SPOCK1: variants seen among roughly 807,000 people sequenced by gnomAD.
SPOCK1 encodes SPARC (osteonectin), cwcv and kazal like domains proteoglycan 1, also known as testican-1.
SPOCK1 carries 23 observed loss-of-function variants against 55.3 expected under a neutral mutation model. The ratio of observed to expected loss-of-function variants is 0.42; its 90% CI spans 0.30 to 0.59. The LOEUF is 0.59. SPOCK1 is among the 20% of genes least tolerant of loss of function. The probability of loss-of-function intolerance (pLI) is 0.22; values close to 1 mark genes in which losing one functional copy is unlikely to be tolerated. For synonymous variants in SPOCK1, 226 were observed against 221.0 expected (o/e 1.02, Z -0.20); for missense variants, 499 against 552.5 (o/e 0.90, Z 0.97).
At chr5:137,257,378 G>T (rs1756657179) in intron 3 of SPOCK1, among the ~76,000 whole-genome samples, 1 of 152,100 alleles carries the variant, frequency 6.6e-6, no homozygotes, top group Non-Finnish European at 1.5e-5. Context: ...GGTCATGAGG[G>T]TGAACCCTCT....
intron 6 of SPOCK1, among the ~76,000 whole-genome samples, chr5:137,054,329 C>T (rs1752263402): frequency 6.6e-6 from 1 of 152,178 alleles, no homozygotes; most frequent in Non-Finnish European, 1.5e-5. Context: ...AATGCATTTT[C>T]TAGTGTATAA....
chr5:137,169,994 A>C (rs1279521365), intron 3 of SPOCK1, among the ~76,000 whole-genome samples: 1 of 152,224 alleles, frequency 6.6e-6, no homozygotes, highest in Non-Finnish European at 1.5e-5. Flanking sequence ...ATACCCATGC[A>C]ACTACAGAAG....
At chr5:137,467,648 C>T (rs937411488) in intron 2 of SPOCK1, among the ~76,000 whole-genome samples, 3 of 152,114 alleles carry the variant, frequency 2.0e-5, no homozygotes, top group Admixed American at 1.3e-4. Flanking sequence ...AGTAAGGCTT[C>T]CCTAAAGAAG....
At chr5:137,169,198 G>A (rs961514142) in intron 3 of SPOCK1, among the ~76,000 whole-genome samples, 8 of 152,012 alleles carry the variant, frequency 5.3e-5, no homozygotes, top group African/African-American at 1.9e-4. Flanking sequence ...GTGTTGTGAG[G>A]GGTTGGGGGG....
At chr5:137,274,829 G>A (rs1351648242) in intron 2 of SPOCK1, among the ~76,000 whole-genome samples, 3 of 152,120 alleles carry the variant, frequency 2.0e-5, no homozygotes, top group Non-Finnish European at 2.9e-5. Context: ...CATATTTTGC[G>A]TAAAGGGCAG....
At chr5:137,358,492 A>C (rs1254714320) in intron 2 of SPOCK1, among the ~76,000 whole-genome samples, 1 of 112,368 alleles carries the variant, frequency 8.9e-6, no homozygotes, top group Non-Finnish European at 1.9e-5. Flanking sequence ...GGATGGAAGG[A>C]GGGAAAGGAG....
At chr5:137,482,573 C>T (rs1332814606) in intron 2 of SPOCK1, among the ~76,000 whole-genome samples, 2 of 152,118 alleles carry the variant, frequency 1.3e-5, no homozygotes, top group African/African-American at 4.8e-5. Flanking sequence ...GTGCCTCAAA[C>T]CGACCAAACG....
intron 5 of SPOCK1, among the ~76,000 whole-genome samples, chr5:137,100,240 C>T (rs1753236676): frequency 6.6e-6 from 1 of 152,140 alleles, no homozygotes; most frequent in African/African-American, 2.4e-5. Flanking sequence ...AAAATGGTTC[C>T]TCCTTTTTTG....
chr5:137,181,978 A>G (rs1027380921), intron 3 of SPOCK1, among the ~76,000 whole-genome samples: 2 of 152,208 alleles, frequency 1.3e-5, no homozygotes, highest in Admixed American at 6.5e-5. Context: ...GGTAGCAAAA[A>G]GGGACATGAA....
At chr5:137,015,564 G>C (rs965992897) in intron 6 of SPOCK1, among the ~76,000 whole-genome samples, 2 of 152,216 alleles carry the variant, frequency 1.3e-5, no homozygotes, top group African/African-American at 4.8e-5. Context: ...ATAGGAGCCT[G>C]AAGGAATCTG....
intron 2 of SPOCK1, among the ~76,000 whole-genome samples, chr5:137,471,026 A>G (rs1753728756): frequency 6.6e-6 from 1 of 152,234 alleles, no homozygotes; most frequent in South Asian, 2.1e-4. Flanking sequence ...AGTTAATTGT[A>G]ATATGAGTTA....
chr5:137,262,524 G>A (rs996110862), intron 3 of SPOCK1, among the ~76,000 whole-genome samples: 3 of 152,222 alleles, frequency 2.0e-5, no homozygotes, highest in African/African-American at 7.2e-5. Flanking sequence ...ATGTCTCTGA[G>A]GACTGATAAC....
At chr5:137,377,783 T>C (rs1751353333) in intron 2 of SPOCK1, among the ~76,000 whole-genome samples, 1 of 152,110 alleles carries the variant, frequency 6.6e-6, no homozygotes, top group South Asian at 2.1e-4. Flanking sequence ...TGACATTCTC[T>C]ACAATGGACA....
At chr5:137,425,837 A>G (rs1212407657) in intron 2 of SPOCK1, among the ~76,000 whole-genome samples, 1 of 152,222 alleles carries the variant, frequency 6.6e-6, no homozygotes, top group Non-Finnish European at 1.5e-5. Flanking sequence ...CCATATTCAC[A>G]AAATTTATTA....
chr5:137,230,729 T>C (rs1357599146), intron 3 of SPOCK1, among the ~76,000 whole-genome samples: 1 of 152,190 alleles, frequency 6.6e-6, no homozygotes, highest in African/African-American at 2.4e-5. Flanking sequence ...TCACATCATA[T>C]CTTTTTATTG....
chr5:137,424,791 G>A (rs948913675), intron 2 of SPOCK1, among the ~76,000 whole-genome samples: 19 of 152,194 alleles, frequency 1.2e-4, no homozygotes, highest in Admixed American at 2.0e-4. Flanking sequence ...TTTATCTACG[G>A]TGACAGAAAG....
At chr5:137,445,611 T>G (rs1174202977) in intron 2 of SPOCK1, among the ~76,000 whole-genome samples, 1 of 152,230 alleles carries the variant, frequency 6.6e-6, no homozygotes, top group Non-Finnish European at 1.5e-5. Flanking sequence ...AATTCAAGGA[T>G]GATTTTTGTC....
intron 2 of SPOCK1, among the ~76,000 whole-genome samples, chr5:137,397,365 T>C (rs1751873606): frequency 1.3e-5 from 2 of 152,342 alleles, no homozygotes; most frequent in East Asian, 3.9e-4. Context: ...GATCAACATC[T>C]GGGCTGTACA....
At chr5:137,041,966 T>G (rs1221439339) in intron 6 of SPOCK1, among the ~76,000 whole-genome samples, 21 of 152,192 alleles carry the variant, frequency 1.4e-4, no homozygotes, top group Admixed American at 1.4e-3. Flanking sequence ...CCCAACTGAT[T>G]TGAAAAATTA....
Sources: allele counts gnomAD v4.1 joint callset (sites outside exome capture counted in the v4.1 genomes callset), GRCh38; gene constraint gnomAD v4.1.1; transcripts MANE v1.5; gene names NCBI Gene and HGNC (gene_info 2026-07-23, HGNC 2026-07-21).